The following SLC2A3 variants were observed in gnomAD, a reference collection of about 807,000 sequenced individuals.
SLC2A3 encodes the protein solute carrier family 2, facilitated glucose transporter member 3.
A neutral mutation model predicts 46.4 loss-of-function variants in SLC2A3; 21 were observed. That is an observed-to-expected ratio of 0.45 (90% CI 0.32 to 0.65). The LOEUF is 0.65. SLC2A3 is among the 30% of genes least tolerant of loss of function. The pLI is 0.04. For synonymous variants in SLC2A3, 213 were observed against 239.4 expected, an observed-to-expected ratio of 0.89 and a Z score of 1.02; for missense variants, 499 against 623.3, an observed-to-expected ratio of 0.80 and a Z score of 2.12.
intron 4 of SLC2A3, 77 bp from the exon 5 acceptor site, chr12:7,930,719 G>A: frequency 7.4e-6 from 10 of 1,352,396 alleles, no homozygotes; most frequent in South Asian, 3.1e-5. Flanking sequence ...AAAAAGTTCA[G>A]AAAATCATAC....
Position 7,929,008 on chromosome 12 carries a change from C to T in SLC2A3, c.861+676G>A, listed in dbSNP as rs186205444. Among the ~76,000 whole-genome samples, 601 of 152,034 alleles carry T rather than the reference C, an allele frequency of 4.0e-3. 5 individuals carry two copies. Among genetic ancestry groups the T allele is most frequent in the Non-Finnish European group, 5.0e-3 (343 of 67,974 alleles). On this transcript the variant is annotated intron_variant, in intron 6 of 9. Transcript: ENST00000075120. ...CTCTAACCCCTCATAAGAAGCACTG[C>T]CACTTCAAATACAAATATCCTGGTG...
Position 7,930,602 on chromosome 12 carries a change from C to A in SLC2A3, c.551G>T (p.Trp184Leu). 6.2e-7 allele frequency: 1 copy of A among 1,613,876 alleles called. No individual in the cohort carries two copies. The highest frequency in any genetic ancestry group is 8.5e-7 in the Non-Finnish European group (1 of 1,179,884). The change falls in exon 5 of 10, where the codon TGG (tryptophan) becomes TTG (leucine). Residue 184 changes from tryptophan (W) to leucine (L), a missense_variant. Trp to Leu is a moderately conservative substitution (Grantham distance 61). This residue lies in a region of SLC2A3 where 248 missense variants were observed against 284.0 expected (regional missense o/e 0.87). Transcript: ENST00000075120. ...GATGGTAAAACCCAGTAGCAGCGGCCATAGCTCTTCAGACCCAAGGATGAA... is the reference window on the plus strand; with the variant it reads ...GATGGTAAAACCCAGTAGCAGCGGCAATAGCTCTTCAGACCCAAGGATGAA... ...LEFILGSEEL[W>L]PLLLGFTILP...
At chr12:7,933,302 C>G (rs73260674) in intron 2 of SLC2A3, 155 bp from the exon 3 acceptor site, 3 of 856,408 alleles carry the variant, frequency 3.5e-6, no homozygotes, top group East Asian at 2.7e-5. Flanking sequence ...TGTTAACTCT[C>G]GCTGGAATAG....
intron 3 of SLC2A3, chr12:7,932,775 T>C: frequency 1.7e-6 from 1 of 604,064 alleles, no homozygotes; most frequent in Non-Finnish European, 2.8e-6. Context: ...CACTCACAGT[T>C]CATCTCTTGC....
chr12:7,930,306 C>A, intron 5 of SLC2A3, 174 bp downstream of exon 5: 3 of 679,928 alleles, frequency 4.4e-6, no homozygotes, highest in East Asian at 5.9e-5. Context: ...CTAAACCCGC[C>A]TTTTCACCTC....
In SLC2A3 at chr12:7,929,882, G is replaced by C; in HGVS notation, c.674-11C>G. The C allele has an allele frequency of 6.2e-7, 1 of 1,613,802 alleles. No individual in the cohort carries two copies. ...ACAACCGCTGGAGGACTGGTGAAAA[G>C]AAGAAAGAGGAAAGGATAAAAGAGA... On this transcript the variant is annotated splice_polypyrimidine_tract_variant and intron_variant, in intron 5 of 9. Coordinates refer to ENST00000075120, the MANE Select transcript of SLC2A3 (RefSeq NM_006931.3).
chr12:7,926,067 A>G, intron 6 of SLC2A3, 119 bp from the exon 7 acceptor site: 2 of 775,892 alleles, frequency 2.6e-6, no homozygotes, highest in South Asian at 3.0e-5. Context: ...GTTTTCGTTC[A>G]ATACTAATAT....
rs757971905 is a variant in SLC2A3 at position 7,932,830 on chromosome 12, G to T, written c.269+157C>A. 23 of 1,059,884 alleles carry T rather than the reference G, an allele frequency of 2.2e-5. No homozygotes were observed. The East Asian group carries it at 3.1e-4, about 14-fold the overall frequency. 65.7% of individuals were successfully genotyped at this position (1,059,884 alleles called of 1,614,324 possible). ...CCAGGGTAGTAGAGCTCCAAGCAAG[G>T]GCAGTCATATTCGGGGCCAGTTGGA... is the stretch of plus-strand genomic sequence containing the variant. On this transcript the variant is annotated intron_variant, in intron 3 of 9. Coordinates refer to ENST00000075120, the MANE Select transcript of SLC2A3 (RefSeq NM_006931.3).
intron 6 of SLC2A3, among the ~76,000 whole-genome samples, chr12:7,927,403 C>T (rs1946106789): frequency 1.3e-5 from 2 of 152,132 alleles, no homozygotes; most frequent in East Asian, 3.9e-4. Context: ...TGTACATGTA[C>T]TCATCTCAAT....
chr12:7,929,021 A>G (rs1946124529), intron 6 of SLC2A3, among the ~76,000 whole-genome samples: 1 of 151,964 alleles, frequency 6.6e-6, no homozygotes, highest in South Asian at 2.1e-4. Flanking sequence ...CTTCAAATAC[A>G]AATATCCTGG....
intron 7 of SLC2A3, chr12:7,925,599 C>T: frequency 2.9e-6 from 1 of 348,884 alleles, no homozygotes; most frequent in South Asian, 5.2e-5. Context: ...TTCCAAGCAC[C>T]TTTCCTCCAA....
chr12:7,922,217 C>A, intron 9 of SLC2A3, among the ~76,000 whole-genome samples: 2 of 151,986 alleles, frequency 1.3e-5, no homozygotes, highest in South Asian at 4.2e-4. Flanking sequence ...TCATGAGCCA[C>A]GACACCCGGC....
chr12:7,931,612 T>G, intron 3 of SLC2A3, 127 bp from the exon 4 acceptor site: 2 of 1,391,600 alleles, frequency 1.4e-6, no homozygotes, highest in Non-Finnish European at 1.9e-6. Context: ...TAACTTTTGT[T>G]TTTCACTTTC....
chr12:7,932,958 C>T (rs767616390), intron 3 of SLC2A3, 29 bp downstream of exon 3: 7 of 1,612,584 alleles, frequency 4.3e-6, no homozygotes, highest in Admixed American at 1.7e-5. Context: ...TGGTAGAGCC[C>T]ACTTCCTTGC....
intron 3 of SLC2A3, among the ~76,000 whole-genome samples, chr12:7,932,247 C>CT (rs1418793553): frequency 1.3e-5 from 2 of 151,640 alleles, no homozygotes; most frequent in East Asian, 3.9e-4. Context: ...TCTCAGCTTA[C>CT]TGCACCCTCT....
At chr12:7,929,455 T>G (rs1946129718) in intron 6 of SLC2A3, 6 of 526,804 alleles carry the variant, frequency 1.1e-5, no homozygotes, top group Middle Eastern at 1.1e-3. Context: ...TCCAGGGTCT[T>G]TTTTTTTTTT....
At chr12:7,935,510 A>C (rs1409858852) in intron 1 of SLC2A3, among the ~76,000 whole-genome samples, 1 of 152,190 alleles carries the variant, frequency 6.6e-6, no homozygotes, top group Non-Finnish European at 1.5e-5. Flanking sequence ...TCAATATTTT[A>C]GTATGTCCTG....
chr12:7,926,856 AATAT>A (rs1318365228), intron 6 of SLC2A3, among the ~76,000 whole-genome samples: 1 of 152,126 alleles, frequency 6.6e-6, no homozygotes, highest in Non-Finnish European at 1.5e-5. Context: ...AATGCAATTT[AATAT>A]ATATTAAATA....
intron 6 of SLC2A3, among the ~76,000 whole-genome samples, chr12:7,927,558 AATC>A (rs34342319): frequency 0.24 from 36,510 of 151,802 alleles, 4,705 homozygotes; most frequent in South Asian, 0.32. Context: ...GGAAATTAGA[AATC>A]ATCATTTGTG....
Sources: allele counts gnomAD v4.1 joint callset (sites outside exome capture counted in the v4.1 genomes callset), GRCh38; gene constraint gnomAD v4.1.1; regional missense constraint gnomAD v4.1.1; transcripts MANE v1.5; gene names NCBI Gene and HGNC (gene_info 2026-07-23, HGNC 2026-07-21).